CYTH4: variants seen among roughly 807,000 people sequenced by gnomAD.
CYTH4 encodes the protein cytohesin-4.
Under a neutral mutation model 57.5 loss-of-function variants are expected in CYTH4, and 22 were observed. The ratio of observed to expected loss-of-function variants is 0.38; its 90% CI spans 0.27 to 0.55. The LOEUF (loss-of-function observed/expected upper bound fraction) is 0.55. Among genes scored for constraint, CYTH4 ranks in the 20% least tolerant of loss-of-function variants. The probability of loss-of-function intolerance (pLI) is 0.74; values close to 1 mark genes in which losing one functional copy is unlikely to be tolerated. For missense variants in CYTH4, 420 were observed against 535.6 expected (o/e 0.78, Z 2.13); for synonymous variants, 186 against 206.5 (o/e 0.90, Z 0.85).
chr22:37,297,611 G>A lies in CYTH4; in HGVS notation c.282G>A (p.Gln94=). 1 of 1,614,016 alleles carries A rather than the reference G, an allele frequency of 6.2e-7. No homozygotes were observed. The highest frequency in any genetic ancestry group is 8.5e-7 in the Non-Finnish European group (1 of 1,179,928). Residue 94 remains glutamine, a synonymous_variant, in exon 5 of 13, where the codon CAG becomes CAA. Transcript: ENST00000248901. ...IEHKLLTPDV[Q]DIARFLYKGE... is the part of the protein sequence containing the mutation. ...ACAAGCTGCTGACCCCTGACGTCCA[G>A]GACATTGCACGGTTCCTGTATAAAG...
At chr22:37,310,943 G>T in intron 9 of CYTH4, 45 bp from the exon 10 acceptor site, 1 of 1,603,124 alleles carries the variant, frequency 6.2e-7, no homozygotes, top group Non-Finnish European at 8.5e-7. Context: ...GGTGTCAGTG[G>T]CCCAGGAGGA....
At chr22:37,285,075 CTTTA>C (rs1411483849) in intron 1 of CYTH4, among the ~76,000 whole-genome samples, 1 of 152,134 alleles carries the variant, frequency 6.6e-6, no homozygotes, top group African/African-American at 2.4e-5. Flanking sequence ...TGAGGGGCCT[CTTTA>C]TTTAGGGCCC....
chr22:37,282,836 G>A (rs753092791), intron 1 of CYTH4, among the ~76,000 whole-genome samples: 1 of 152,214 alleles, frequency 6.6e-6, no homozygotes, highest in Non-Finnish European at 1.5e-5. Flanking sequence ...GAGACCGGCA[G>A]TGACTCTAAT....
At position 37,311,553 on chromosome 22, in the gene CYTH4, G is replaced by T; in HGVS notation, c.957+26G>T. 6.2e-7 allele frequency: 1 copy of T among 1,610,500 alleles called. No homozygotes were observed. Among genetic ancestry groups the T allele is most frequent in the Non-Finnish European group, 8.5e-7 (1 of 1,177,302 alleles). On this transcript the variant is annotated intron_variant, in intron 11 of 12. Transcript: ENST00000248901. The surrounding 1 kb of genome is among the most constrained non-coding windows in gnomAD (Gnocchi z 4.4). ...GTAGGTGTTCAGGTTGCAGGATCCC[G>T]AGGCTGGAGCCACTGGGAAATTTCC... is the stretch of plus-strand genomic sequence containing the variant.
intron 8 of CYTH4, chr22:37,304,287 G>C: frequency 2.2e-6 from 1 of 456,678 alleles, no homozygotes; most frequent in South Asian, 1.5e-5. Flanking sequence ...TGTGGCCGAG[G>C]TGTGGTATAT....
In CYTH4 at chr22:37,311,356, C is replaced by A; in HGVS notation, c.886-100C>A. 9.5e-7 allele frequency: 1 copy of A among 1,047,172 alleles called. No individual in the cohort carries two copies. Among genetic ancestry groups the A allele is most frequent in the South Asian group, 1.3e-5 (1 of 76,786 alleles). The allele number at this position is 1,047,172 out of a possible 1,614,324, so 64.9% of individuals were successfully genotyped here. A position where few individuals can be genotyped will look rare whatever the true frequency, so the allele number is the denominator to read the frequency against. On this transcript the variant is annotated intron_variant, in intron 10 of 12. Transcript: ENST00000248901. This position sits in a 1 kb window ranked among gnomAD's most constrained non-coding sequence, Gnocchi z 4.4. ...ACTGGACAGTCTCGGAAGATGAGCA[C>A]GCTCCTCTTTGAGTTTGGGGAACCC...
chr22:37,299,282 A>G lies in CYTH4; in HGVS notation c.410A>G (p.Asn137Ser), dbSNP rs1445364221. 13 of 1,613,978 alleles carry G rather than the reference A, an allele frequency of 8.1e-6. No homozygotes were observed. The highest frequency in any genetic ancestry group is 1.7e-5 in the Admixed American group (1 of 60,002). Reference protein sequence around the residue: ...QAFVDCHEFANLNLVQALRQF... With the variant: ...QAFVDCHEFASLNLVQALRQF... Reference sequence around the variant, plus strand: ...TTCGTGGACTGCCACGAGTTCGCCAACCTCAACCTCGTCCAGGCCCTCAGG... The same window carrying G: ...TTCGTGGACTGCCACGAGTTCGCCAGCCTCAACCTCGTCCAGGCCCTCAGG... The change falls in exon 6 of 13, where the codon AAC becomes AGC. Residue 137 changes from asparagine (N) to serine (S), a missense_variant. Asn to Ser is a conservative substitution (Grantham distance 46, BLOSUM62 1). Transcript: ENST00000248901.
At position 37,303,335 on chromosome 22, in the gene CYTH4, T is replaced by C; in HGVS notation, c.629T>C (p.Phe210Ser). The C allele has an allele frequency of 6.2e-7, 1 of 1,614,180 alleles. No homozygotes were observed. Among genetic ancestry groups the C allele is most frequent in the Non-Finnish European group, 8.5e-7 (1 of 1,180,008 alleles). Residue 210 changes from phenylalanine to serine, a missense_variant, in exon 8 of 13, where the codon TTT (phenylalanine) becomes TCT (serine). Transcript: ENST00000248901. ...CCCAACGTCCGGGACAGGCCGCCTT[T>C]TGAGCGCTTTGTGTCCATGAACCGC... ...HNPNVRDRPP[F>S]ERFVSMNRGI...
At chr22:37,303,425 A>G (rs760831589) in intron 8 of CYTH4, 23 bp downstream of exon 8, 2 of 1,608,304 alleles carry the variant, frequency 1.2e-6, no homozygotes, top group Non-Finnish European at 8.5e-7. Context: ...CAGCCCACCC[A>G]GCCTGGCCCC....
intron 1 of CYTH4, 100 bp downstream of exon 1, chr22:37,282,688 G>T (rs1019790567): frequency 1.1e-5 from 12 of 1,086,354 alleles, no homozygotes; most frequent in South Asian, 4.8e-5. Flanking sequence ...GGAATACAGC[G>T]CAGGTGGGAA....
At chr22:37,291,113 T>C (rs1928733040) in intron 1 of CYTH4, among the ~76,000 whole-genome samples, 1 of 152,216 alleles carries the variant, frequency 6.6e-6, no homozygotes, top group Non-Finnish European at 1.5e-5. Flanking sequence ...ATTTCACAGA[T>C]GAGGATGCTG....
At chr22:37,303,232 G>A in intron 7 of CYTH4, 22 bp from the exon 8 acceptor site, 8 of 1,613,340 alleles carry the variant, frequency 5.0e-6, no homozygotes, top group East Asian at 4.5e-5. Flanking sequence ...GGCCAGAACT[G>A]TGACCGCTGT....
At chr22:37,288,414 A>G (rs1352899444) in intron 1 of CYTH4, among the ~76,000 whole-genome samples, 2 of 151,998 alleles carry the variant, frequency 1.3e-5, no homozygotes, top group Non-Finnish European at 2.9e-5. Flanking sequence ...CTGTCTCAAA[A>G]AAATAAATAC....
chr22:37,285,072 C>T (rs1431404648), intron 1 of CYTH4, among the ~76,000 whole-genome samples: 1 of 152,182 alleles, frequency 6.6e-6, no homozygotes, highest in Admixed American at 6.5e-5. Flanking sequence ...CTTTGAGGGG[C>T]CTCTTTATTT....
At position 37,314,769 on chromosome 22, in the gene CYTH4, A is replaced by C; in HGVS notation, c.*1258A>C. On this transcript the variant is annotated 3_prime_UTR_variant, in exon 13 of 13. Transcript: ENST00000248901. Reference sequence around the variant, plus strand: ...GGCCCAGGGGAGCCCCTGGAGGGAAATTCCTTGGCAGGGGAACAGGAAATG... The same window carrying C: ...GGCCCAGGGGAGCCCCTGGAGGGAACTTCCTTGGCAGGGGAACAGGAAATG... 1 of 206,150 alleles carries C rather than the reference A, an allele frequency of 4.9e-6. No homozygotes were observed. Among genetic ancestry groups the C allele is most frequent in the Non-Finnish European group, 9.7e-6 (1 of 103,484 alleles). The allele number at this position is 206,150 out of a possible 1,614,324, so 12.8% of individuals were successfully genotyped here. A position where few individuals can be genotyped will look rare whatever the true frequency, so the allele number is the denominator to read the frequency against.
At chr22:37,287,140 C>A (rs1219460529) in intron 1 of CYTH4, among the ~76,000 whole-genome samples, 1 of 151,982 alleles carries the variant, frequency 6.6e-6, no homozygotes, top group Non-Finnish European at 1.5e-5. Flanking sequence ...GCGGTGGTGA[C>A]CAATACATAG....
rs753157065 is a variant in CYTH4, at chr22:37,313,558, C to G, written c.*47C>G. The stretch of plus-strand genomic sequence containing the variant: ...GGGCTGGTCACCCTGAGAGTCCCAT[C>G]GCCTGCAGCACCTGGAGACCCACCT... On this transcript the variant is annotated 3_prime_UTR_variant, in exon 13 of 13. Transcript: ENST00000248901. 1 of 1,573,546 alleles carries G rather than the reference C, an allele frequency of 6.4e-7. No individual in the cohort carries two copies. The highest frequency in any genetic ancestry group is 8.7e-7 in the Non-Finnish European group (1 of 1,143,562).
At chr22:37,294,302 T>C (rs968356538) in intron 2 of CYTH4, among the ~76,000 whole-genome samples, 4 of 148,288 alleles carry the variant, frequency 2.7e-5, no homozygotes, top group Admixed American at 6.7e-5. Flanking sequence ...GGCCGGCTTG[T>C]CGGGTAGGCT....
Position 37,314,607 on chromosome 22 carries a change from G to A in CYTH4, c.*1096G>A. The A allele has an allele frequency of 2.5e-6, 1 of 394,520 alleles. No homozygotes were observed. The highest frequency in any genetic ancestry group is 3.6e-5 in the East Asian group (1 of 27,860). The allele number at this position is 394,520 out of a possible 1,614,324, so 24.4% of individuals were successfully genotyped here. On this transcript the variant is annotated 3_prime_UTR_variant, in exon 13 of 13. Coordinates refer to ENST00000248901, the MANE Select transcript of CYTH4 (RefSeq NM_013385.5). ...ATAAAGGGCAGCCCGGCGGGTCCCA[G>A]CATCTCGAGACCCTCTGCAGAAGTA...
Sources: allele counts gnomAD v4.1 joint callset (sites outside exome capture counted in the v4.1 genomes callset), GRCh38; gene constraint gnomAD v4.1.1; non-coding constraint Gnocchi (gnomAD v3.1); transcripts MANE v1.5; gene names NCBI Gene and HGNC (gene_info 2026-07-23, HGNC 2026-07-21).